The following PTPRD variants were observed in gnomAD, a reference collection of about 807,000 sequenced individuals.
PTPRD encodes the protein receptor-type tyrosine-protein phosphatase delta.
Under a neutral mutation model 214.5 loss-of-function variants are expected in PTPRD, and 34 were observed. That is an observed-to-expected ratio of 0.16 (90% confidence interval 0.12 to 0.21). PTPRD has a LOEUF of 0.21. Among genes scored for constraint, PTPRD ranks in the 10% least tolerant of loss-of-function variants. PTPRD has a pLI of 1.00. For synonymous variants in PTPRD, 1,128 were observed against 845.7 expected (o/e 1.33, Z -5.79); for missense variants, 2,545 against 2,398.7 (o/e 1.06, Z -1.27).
chr9:10,408,603 A>T (rs7023748), intron 2 of PTPRD, among the ~76,000 whole-genome samples: 130,205 of 151,290 alleles, frequency 0.86, 56,020 homozygotes, highest in East Asian at 0.88. Context: ...TAGCTTTGCC[A>T]GATAATACTT....
At position 8,933,412 on chromosome 9, in the gene PTPRD, T is replaced by G. The variant is rs1360319997; in HGVS notation, c.-104+85285A>C. Among the ~76,000 whole-genome samples the G allele has an allele frequency of 2.7e-5, 4 of 145,582 alleles. No individual in the cohort carries two copies. The East Asian group carries it at 9.0e-4, about 33-fold the overall frequency. On this transcript the variant is annotated intron_variant, in intron 11 of 45. Coordinates refer to ENST00000381196, the MANE Select transcript of PTPRD (RefSeq NM_002839.4). ...ATACAGATAATAATTTATCCCTTTC[T>G]TATACCAAGTTTAAGCATTTTTTCT... is the stretch of plus-strand genomic sequence containing the variant.
At chr9:9,473,603 A>G (rs1416925529) in intron 8 of PTPRD, among the ~76,000 whole-genome samples, 1 of 152,122 alleles carries the variant, frequency 6.6e-6, no homozygotes, top group Non-Finnish European at 1.5e-5. Context: ...AACAGTGTGT[A>G]AGAGTTCCCT....
chr9:9,616,063 T>C (rs1252575446), intron 7 of PTPRD, among the ~76,000 whole-genome samples: 2 of 152,244 alleles, frequency 1.3e-5, no homozygotes, highest in South Asian at 2.1e-4. Context: ...AGTGCTTATA[T>C]AGGACATGGT....
chr9:9,113,886 G>A (rs1328601758), intron 10 of PTPRD, among the ~76,000 whole-genome samples: 1 of 152,100 alleles, frequency 6.6e-6, no homozygotes, highest in Non-Finnish European at 1.5e-5. Context: ...GCTATAGTAA[G>A]GTATCAACTG....
chr9:10,184,572 G>C (rs1251415388), intron 3 of PTPRD, among the ~76,000 whole-genome samples: 2 of 152,168 alleles, frequency 1.3e-5, no homozygotes, highest in Non-Finnish European at 1.5e-5. Context: ...GTAAACGTTT[G>C]TTATACTTTG....
At chr9:9,869,322 C>T (rs772595342) in intron 5 of PTPRD, among the ~76,000 whole-genome samples, 1 of 152,080 alleles carries the variant, frequency 6.6e-6, no homozygotes, top group Non-Finnish European at 1.5e-5. Flanking sequence ...CATTTTAAAA[C>T]CACTAATAAA....
intron 10 of PTPRD, among the ~76,000 whole-genome samples, chr9:9,170,891 G>A (rs941398813): frequency 6.6e-6 from 1 of 152,118 alleles, no homozygotes; most frequent in Non-Finnish European, 1.5e-5. Flanking sequence ...ATGATAATGA[G>A]CCAGCCTCAG....
intron 8 of PTPRD, among the ~76,000 whole-genome samples, chr9:9,545,059 C>G (rs1023341585): frequency 7.3e-5 from 11 of 151,630 alleles, no homozygotes; most frequent in African/African-American, 2.4e-4. Context: ...CTTCTTGTCC[C>G]ACATATGGAT....
chr9:10,596,852 G>A (rs2076738114), intron 2 of PTPRD, among the ~76,000 whole-genome samples: 1 of 151,514 alleles, frequency 6.6e-6, no homozygotes, highest in African/African-American at 2.4e-5. Flanking sequence ...TTGTTACACT[G>A]CATGAACATG....
chr9:9,709,412 T>G (rs1297199460), intron 7 of PTPRD, among the ~76,000 whole-genome samples: 1 of 151,972 alleles, frequency 6.6e-6, no homozygotes, highest in African/African-American at 2.4e-5. Flanking sequence ...AAGACATACA[T>G]GTTATCAAAT....
chr9:9,527,385 C>T (rs1322780402), intron 8 of PTPRD, among the ~76,000 whole-genome samples: 1 of 152,136 alleles, frequency 6.6e-6, no homozygotes, highest in Admixed American at 6.5e-5. Context: ...CCATGTGAAG[C>T]GTGGGCACTT....
Position 10,231,978 on chromosome 9 carries a change from G to A in PTPRD, c.-545+108985C>T, listed in dbSNP as rs2099612094. Among the ~76,000 whole-genome samples the A allele has an allele frequency of 2.3e-5, 3 of 132,760 alleles. No individual in the cohort carries two copies. In the Admixed American group the frequency reaches 2.3e-4, roughly 10 times the overall value. 87.1% of individuals were successfully genotyped at this position (132,760 alleles called of 152,430 possible). On this transcript the variant is annotated intron_variant, in intron 3 of 45. Coordinates refer to ENST00000381196, the MANE Select transcript of PTPRD (RefSeq NM_002839.4). ...AATTAGAGAGAGAGAGAGAGAGAGA[G>A]AGAGAGAGAGAGTGTGTGTGTGTGT...
Position 10,036,653 on chromosome 9 carries a change from C to T in PTPRD, c.-544-2863G>A, listed in dbSNP as rs908555754. Among the ~76,000 whole-genome samples the T allele has an allele frequency of 3.3e-5, 5 of 151,988 alleles. No individual in the cohort carries two copies. In the East Asian group the frequency reaches 5.8e-4, roughly 18 times the overall value. On this transcript the variant is annotated intron_variant, in intron 3 of 45. Coordinates refer to ENST00000381196, the MANE Select transcript of PTPRD (RefSeq NM_002839.4). ...AGGCTGGAGTGCAGTGGTGCAATCT[C>T]GGCTCACTACAACCTCCACCTCCTG...
chr9:10,363,992 T>TTTTTG (rs1598164679), intron 2 of PTPRD, among the ~76,000 whole-genome samples: 1 of 36,488 alleles, frequency 2.7e-5, no homozygotes, highest in African/African-American at 6.8e-5. Flanking sequence ...CATTTTCGGG[T>TTTTTG]TTTTTTTTTT....
intron 12 of PTPRD, among the ~76,000 whole-genome samples, chr9:8,704,867 G>GAGC (rs1485881273): frequency 6.6e-6 from 1 of 151,974 alleles, no homozygotes; most frequent in Non-Finnish European, 1.5e-5. Flanking sequence ...AGGTTGCAGT[G>GAGC]AGCCAAGATC....
intron 11 of PTPRD, chr9:8,962,101 G>T (rs560467417): frequency 1.3e-5 from 2 of 152,142 alleles, no homozygotes; most frequent in South Asian, 2.1e-4. Flanking sequence ...TCTTTCTAAT[G>T]CATTTAACAA....
At chr9:8,796,921 C>T (rs111313342) in intron 11 of PTPRD, among the ~76,000 whole-genome samples, 20 of 151,836 alleles carry the variant, frequency 1.3e-4, no homozygotes, top group African/African-American at 4.3e-4. Context: ...GAGTATTTTC[C>T]ATGTTAAAAT....
rs79448697 is a variant in PTPRD, at chr9:9,203,856, G to C, written c.-202-20493C>G. On this transcript the variant is annotated intron_variant, in intron 9 of 45. Coordinates refer to ENST00000381196, the MANE Select transcript of PTPRD (RefSeq NM_002839.4). ...TAGAAAATGGCTATTTTAGAGATGT[G>C]TTATAGAAAAGCTAATTTGAGTGTA... Among the ~76,000 whole-genome samples the C allele has an allele frequency of 2.6e-5, 4 of 152,280 alleles. No individual in the cohort carries two copies. In the East Asian group the frequency reaches 7.7e-4, roughly 29 times the overall value.
chr9:9,433,480 CTT>C (rs1355374779), intron 8 of PTPRD, among the ~76,000 whole-genome samples: 1 of 152,028 alleles, frequency 6.6e-6, no homozygotes, highest in African/African-American at 2.4e-5. Flanking sequence ...GGATTCTTCT[CTT>C]TTTATTTTTT....
Sources: allele counts gnomAD v4.1 joint callset (sites outside exome capture counted in the v4.1 genomes callset), GRCh38; gene constraint gnomAD v4.1.1; transcripts MANE v1.5; gene names NCBI Gene and HGNC (gene_info 2026-07-23, HGNC 2026-07-21).